The following PTPRD variants were observed in gnomAD, a reference collection of about 807,000 sequenced individuals.
PTPRD encodes receptor-type tyrosine-protein phosphatase delta.
Under a neutral mutation model 214.5 loss-of-function variants are expected in PTPRD, and 34 were observed. The observed-to-expected ratio is 0.16, with a 90% CI of 0.12 to 0.21. PTPRD has a LOEUF of 0.21. Ranked by LOEUF, PTPRD falls within the 10% of genes least tolerant of loss-of-function variation. The pLI is 1.00. For missense variants in PTPRD, 2,545 were observed against 2,398.7 expected (o/e 1.06, Z -1.27); for synonymous variants, 1,128 against 845.7 (o/e 1.33, Z -5.79).
chr9:9,514,509 C>T (rs1411338156), intron 8 of PTPRD, among the ~76,000 whole-genome samples: 1 of 152,060 alleles, frequency 6.6e-6, no homozygotes, highest in East Asian at 1.9e-4. Context: ...TAAATTTTAT[C>T]ACAGGAGAGA....
At chr9:9,335,918 T>C (rs2044264219) in intron 9 of PTPRD, among the ~76,000 whole-genome samples, 2 of 152,046 alleles carry the variant, frequency 1.3e-5, no homozygotes, top group Non-Finnish European at 2.9e-5. Context: ...TATGATAACA[T>C]AATATTCATT....
intron 2 of PTPRD, among the ~76,000 whole-genome samples, chr9:10,548,051 G>A (rs1474950950): frequency 1.3e-5 from 2 of 151,910 alleles, no homozygotes; most frequent in East Asian, 1.9e-4. Context: ...TGCTGTGGGT[G>A]GAAAACATTT....
At position 8,532,336 on chromosome 9, in the gene PTPRD, C is replaced by T. The variant is rs147784907; in HGVS notation, c.353-3557G>A. Among the ~76,000 whole-genome samples, 843 of 152,024 alleles carry T rather than the reference C, an allele frequency of 5.5e-3. 2 individuals carry two copies. The highest frequency in any genetic ancestry group is 0.031 in the South Asian group (147 of 4,816). On this transcript the variant is annotated intron_variant, in intron 14 of 45. Transcript: ENST00000381196. Reference sequence around the variant, plus strand: ...ATCTCCGTGGGTGTAGTTTAGAAGACGTTAATTGCTTTTTTCTTCACCTTC... The same window carrying T: ...ATCTCCGTGGGTGTAGTTTAGAAGATGTTAATTGCTTTTTTCTTCACCTTC...
chr9:9,695,867 A>G (rs368441279), intron 7 of PTPRD, among the ~76,000 whole-genome samples: 7 of 152,226 alleles, frequency 4.6e-5, no homozygotes, highest in African/African-American at 1.7e-4. Context: ...TTTCTTTTAT[A>G]TAGCATCCTT....
chr9:10,502,812 A>AGGGGG (rs2044235279), intron 2 of PTPRD, among the ~76,000 whole-genome samples: 2 of 152,090 alleles, frequency 1.3e-5, no homozygotes, highest in Non-Finnish European at 2.9e-5. Flanking sequence ...TAATAATATA[A>AGGGGG]TACATTAATA....
At chr9:9,014,011 G>C (rs1281327272) in intron 11 of PTPRD, among the ~76,000 whole-genome samples, 2 of 146,716 alleles carry the variant, frequency 1.4e-5, no homozygotes, top group African/African-American at 5.0e-5. Context: ...CTGCATTTTT[G>C]TCTACTTGAT....
intron 2 of PTPRD, among the ~76,000 whole-genome samples, chr9:10,484,913 T>C (rs900096512): frequency 1.3e-5 from 2 of 152,084 alleles, no homozygotes; most frequent in African/African-American, 2.4e-5. Flanking sequence ...GCTTATGGGA[T>C]ATTTCTCAAG....
At chr9:8,567,989 G>A (rs1253649901) in intron 14 of PTPRD, among the ~76,000 whole-genome samples, 2 of 152,098 alleles carry the variant, frequency 1.3e-5, no homozygotes, top group Admixed American at 6.6e-5. Flanking sequence ...TTATTTTCAC[G>A]GAAATTTAAC....
chr9:10,122,304 T>G (rs937045122), intron 3 of PTPRD, among the ~76,000 whole-genome samples: 1 of 152,038 alleles, frequency 6.6e-6, no homozygotes, highest in African/African-American at 2.4e-5. Context: ...CAAAACTCCA[T>G]CTCAAAAAAA....
chr9:9,440,772 G>C (rs1442680632), intron 8 of PTPRD, among the ~76,000 whole-genome samples: 1 of 152,160 alleles, frequency 6.6e-6, no homozygotes, highest in Non-Finnish European at 1.5e-5. Context: ...ATAAAATGAT[G>C]ATCACAAAAT....
At chr9:8,984,277 G>A (rs887903311) in intron 11 of PTPRD, among the ~76,000 whole-genome samples, 1 of 151,708 alleles carries the variant, frequency 6.6e-6, no homozygotes, top group African/African-American at 2.4e-5. Flanking sequence ...ACAATTACTG[G>A]CATTTAATGA....
At chr9:10,145,360 C>T (rs897234412) in intron 3 of PTPRD, among the ~76,000 whole-genome samples, 5 of 152,164 alleles carry the variant, frequency 3.3e-5, no homozygotes, top group Non-Finnish European at 7.4e-5. Flanking sequence ...ATACCAGGAC[C>T]CACCTCCCCT....
intron 7 of PTPRD, among the ~76,000 whole-genome samples, chr9:9,651,184 A>T (rs186925734): frequency 6.6e-6 from 1 of 152,166 alleles, no homozygotes; most frequent in Non-Finnish European, 1.5e-5. Context: ...CTATGAATAA[A>T]CCTAGAAAAT....
chr9:9,947,304 T>TATATACATGTA (rs1566613791), intron 4 of PTPRD, among the ~76,000 whole-genome samples: 1,292 of 80,362 alleles, frequency 0.016, 121 homozygotes, highest in East Asian at 0.056. Flanking sequence ...ATATATATAT[T>TATATACATGTA]TTATATATAT....
intron 11 of PTPRD, among the ~76,000 whole-genome samples, chr9:8,911,968 C>G (rs145668033): frequency 7.1e-4 from 108 of 152,166 alleles, no homozygotes; most frequent in East Asian, 5.4e-3. Context: ...AACCCTAGTC[C>G]CACTAGAATG....
At chr9:9,299,584 G>A (rs556074040) in intron 9 of PTPRD, among the ~76,000 whole-genome samples, 1 of 151,552 alleles carries the variant, frequency 6.6e-6, no homozygotes, top group East Asian at 1.9e-4. Context: ...CTCTCAAAAG[G>A]GCCCCTTCCT....
At chr9:9,740,360 TA>T (rs2098381570) in intron 6 of PTPRD, among the ~76,000 whole-genome samples, 2 of 126,488 alleles carry the variant, frequency 1.6e-5, no homozygotes, top group Admixed American at 7.4e-5. Flanking sequence ...CTAAAACTAC[TA>T]TTTTTTTTTT....
At chr9:10,307,133 G>A (rs933392629) in intron 3 of PTPRD, among the ~76,000 whole-genome samples, 1 of 151,874 alleles carries the variant, frequency 6.6e-6, no homozygotes, top group African/African-American at 2.4e-5. Context: ...GTTAACTATA[G>A]TTACCCTACT....
At chr9:9,797,122 G>T (rs1364676650) in intron 5 of PTPRD, among the ~76,000 whole-genome samples, 1 of 151,710 alleles carries the variant, frequency 6.6e-6, no homozygotes, top group African/African-American at 2.4e-5. Flanking sequence ...ACACATTTTA[G>T]AAGAGAGTGT....
Sources: gnomAD v4.1 joint callset for allele counts (sites outside exome capture counted in the v4.1 genomes callset) on GRCh38, gnomAD v4.1.1 for gene constraint, MANE v1.5 for transcripts, NCBI Gene and HGNC (gene_info 2026-07-23, HGNC 2026-07-21) for gene names.